Variants in GNA12 observed in about 807,000 individuals in gnomAD.
GNA12 encodes G protein subunit alpha 12.
In GNA12, 9 loss-of-function variants were observed where a neutral mutation model predicts 26.0. That is an observed-to-expected ratio of 0.35 (90% confidence interval 0.21 to 0.60). The LOEUF (loss-of-function observed/expected upper bound fraction) is 0.60, where lower values mean the gene tolerates loss of function less well. Among genes scored for constraint, GNA12 ranks in the 20% least tolerant of loss-of-function variants. GNA12 has a pLI of 0.78. For synonymous variants in GNA12, 264 were observed against 219.6 expected (o/e 1.20, Z -1.79); for missense variants, 405 against 525.8 (o/e 0.77, Z 2.25).
At chr7:2,812,330 A>G (rs932777260) in intron 1 of GNA12, among the ~76,000 whole-genome samples, 1 of 152,300 alleles carries the variant, frequency 6.6e-6, no homozygotes, top group East Asian at 1.9e-4. Flanking sequence ...GTGCTTTGCT[A>G]AAATCAGAGG....
intron 1 of GNA12, chr7:2,814,777 GA>G: frequency 8.9e-7 from 1 of 1,123,282 alleles, no homozygotes; most frequent in Non-Finnish European, 1.3e-6. Flanking sequence ...ACACATCCTA[GA>G]AAGGGTTCCC....
At chr7:2,757,129 CTTTTTTTT>C (rs71026549) in intron 2 of GNA12, among the ~76,000 whole-genome samples, 9 of 94,002 alleles carry the variant, frequency 9.6e-5, no homozygotes, top group Admixed American at 9.3e-4. Context: ...TCAGGTGGGC[CTTTTTTTT>C]TTTTTTTTTT....
chr7:2,788,315 G>A (rs894645392), intron 2 of GNA12, among the ~76,000 whole-genome samples: 4 of 152,154 alleles, frequency 2.6e-5, no homozygotes, highest in African/African-American at 4.8e-5. Context: ...CTGCCTTGTC[G>A]CTGTGGCCAG....
At chr7:2,802,825 C>T (rs1473624430) in intron 1 of GNA12, among the ~76,000 whole-genome samples, 1 of 152,144 alleles carries the variant, frequency 6.6e-6, no homozygotes, top group Non-Finnish European at 1.5e-5. Flanking sequence ...TAGTTCCTCT[C>T]GAAAACTGAA....
intron 1 of GNA12, among the ~76,000 whole-genome samples, chr7:2,805,581 G>T (rs1286227587): frequency 6.6e-6 from 1 of 152,228 alleles, no homozygotes; most frequent in Non-Finnish European, 1.5e-5. Context: ...CAGGCAGGAG[G>T]CAGAAGATGC....
At chr7:2,821,031 C>T (rs527707819) in intron 1 of GNA12, among the ~76,000 whole-genome samples, 8 of 152,360 alleles carry the variant, frequency 5.3e-5, no homozygotes, top group East Asian at 3.9e-4. Context: ...TGAGCCACCG[C>T]GCCCGGCCTA....
At chr7:2,746,325 C>T (rs2115346591) in intron 2 of GNA12, among the ~76,000 whole-genome samples, 1 of 152,240 alleles carries the variant, frequency 6.6e-6, no homozygotes, top group East Asian at 1.9e-4. Context: ...CAAACTGTCT[C>T]TCAGACCACA....
chr7:2,788,633 A>C (rs538153077), intron 2 of GNA12, among the ~76,000 whole-genome samples: 2 of 152,222 alleles, frequency 1.3e-5, no homozygotes, highest in Admixed American at 6.5e-5. Context: ...TGTTTGGAGG[A>C]AAGTTAGATA....
intron 1 of GNA12, among the ~76,000 whole-genome samples, chr7:2,826,750 A>G (rs939861871): frequency 6.6e-6 from 1 of 152,242 alleles, no homozygotes; most frequent in African/African-American, 2.4e-5. Context: ...CGATGGAGAC[A>G]GTAAACGCTC....
chr7:2,737,859 C>T (rs116070355), intron 2 of GNA12, among the ~76,000 whole-genome samples: 94 of 152,236 alleles, frequency 6.2e-4, no homozygotes, highest in South Asian at 4.1e-3. Context: ...TGAATAGAGA[C>T]GCTAGCCAAA....
At chr7:2,741,286 T>G (rs1190291499) in intron 2 of GNA12, among the ~76,000 whole-genome samples, 1 of 150,690 alleles carries the variant, frequency 6.6e-6, no homozygotes, top group Non-Finnish European at 1.5e-5. Flanking sequence ...GCCCAGGAGG[T>G]TGAGGATGCA....
At chr7:2,777,956 A>T (rs984954356) in intron 2 of GNA12, among the ~76,000 whole-genome samples, 4 of 152,214 alleles carry the variant, frequency 2.6e-5, no homozygotes, top group African/African-American at 9.6e-5. Flanking sequence ...CCCAGCAAAG[A>T]TGTCTTCCAA....
chr7:2,785,028 T>A (rs896627344), intron 2 of GNA12, among the ~76,000 whole-genome samples: 62 of 152,182 alleles, frequency 4.1e-4, no homozygotes, highest in African/African-American at 1.4e-3. Context: ...TTTTTTCCCC[T>A]AGAGGAGTAG....
chr7:2,808,292 C>G (rs1386343020), intron 1 of GNA12, among the ~76,000 whole-genome samples: 6 of 152,242 alleles, frequency 3.9e-5, no homozygotes, highest in African/African-American at 1.4e-4. Context: ...GTGCTTACGG[C>G]CTGCACTTGG....
At chr7:2,791,424 C>A (rs1439929486) in intron 2 of GNA12, among the ~76,000 whole-genome samples, 6 of 152,210 alleles carry the variant, frequency 3.9e-5, no homozygotes, top group Admixed American at 3.9e-4. Context: ...CCCGGCCCAC[C>A]CTGCTCCTCT....
intron 2 of GNA12, among the ~76,000 whole-genome samples, chr7:2,758,370 A>C (rs114710241): frequency 0.03 from 4,513 of 152,270 alleles, 155 homozygotes; most frequent in African/African-American, 0.084. Context: ...AAAAGCTCCA[A>C]TGCAGGCTTG....
chr7:2,831,428 G>T (rs1409426728), intron 1 of GNA12, among the ~76,000 whole-genome samples: 1 of 139,472 alleles, frequency 7.2e-6, no homozygotes, highest in South Asian at 2.3e-4. Context: ...TTTTGAGATG[G>T]AGTCTCACTC....
chr7:2,758,504 G>T (rs865785698), intron 2 of GNA12, among the ~76,000 whole-genome samples: 6 of 152,152 alleles, frequency 3.9e-5, no homozygotes, highest in African/African-American at 1.4e-4. Flanking sequence ...TGCAGCGTGG[G>T]AGGAAGCTGG....
chr7:2,840,790 G>A (rs1206867402), intron 1 of GNA12, among the ~76,000 whole-genome samples: 1 of 152,112 alleles, frequency 6.6e-6, no homozygotes, highest in African/African-American at 2.4e-5. Context: ...GCGACGCAAG[G>A]CCACAGTGAG....
Sources: gnomAD v4.1 joint callset for allele counts (sites outside exome capture counted in the v4.1 genomes callset) on GRCh38, gnomAD v4.1.1 for gene constraint, MANE v1.5 for transcripts, NCBI Gene and HGNC (gene_info 2026-07-23, HGNC 2026-07-21) for gene names.